BMP6: variants seen among roughly 807,000 people sequenced by gnomAD.
BMP6 encodes the protein VG-1-R.
Under a neutral mutation model 54.1 loss-of-function variants are expected in BMP6, and 17 were observed. The observed-to-expected ratio is 0.31, with a 90% CI of 0.22 to 0.47. The LOEUF (loss-of-function observed/expected upper bound fraction) is 0.47, where lower values mean the gene tolerates loss of function less well. Among genes scored for constraint, BMP6 ranks in the 20% least tolerant of loss-of-function variants. BMP6 has a pLI of 1.00. For synonymous variants in BMP6, 328 were observed against 291.2 expected (o/e 1.13, Z -1.28); for missense variants, 720 against 690.4 (o/e 1.04, Z -0.48).
At chr6:7,817,882 A>C (rs1304690116) in intron 1 of BMP6, among the ~76,000 whole-genome samples, 1 of 152,206 alleles carries the variant, frequency 6.6e-6, no homozygotes, top group Non-Finnish European at 1.5e-5. Flanking sequence ...ATCTTGTACA[A>C]ATGCCTCACA....
intron 2 of BMP6, among the ~76,000 whole-genome samples, chr6:7,860,891 T>C (rs989155266): frequency 2.0e-5 from 3 of 152,200 alleles, no homozygotes; most frequent in African/African-American, 7.2e-5. Context: ...TAAATGCTCA[T>C]ATGGATCCTG....
intron 1 of BMP6, among the ~76,000 whole-genome samples, chr6:7,803,832 A>C (rs1370341236): frequency 6.6e-6 from 1 of 152,114 alleles, no homozygotes; most frequent in East Asian, 1.9e-4. Flanking sequence ...CTCTCTTAGC[A>C]GTTACATAAA....
intron 1 of BMP6, among the ~76,000 whole-genome samples, chr6:7,800,672 C>T (rs138106389): frequency 6.6e-6 from 1 of 152,274 alleles, no homozygotes; most frequent in African/African-American, 2.4e-5. Context: ...GATATATTTA[C>T]TTCTAGTTAT....
chr6:7,732,873 T>C (rs1400818430), intron 1 of BMP6, among the ~76,000 whole-genome samples: 1 of 150,724 alleles, frequency 6.6e-6, no homozygotes, highest in African/African-American at 2.4e-5. Context: ...CCATCTTATA[T>C]CAAAAATGAA....
chr6:7,749,589 A>G (rs1757392113), intron 1 of BMP6, among the ~76,000 whole-genome samples: 2 of 152,142 alleles, frequency 1.3e-5, no homozygotes. Flanking sequence ...ACCTATCTCT[A>G]TGGTCATGCC....
intron 1 of BMP6, among the ~76,000 whole-genome samples, chr6:7,763,800 A>C (rs1052137299): frequency 1.3e-4 from 20 of 152,328 alleles, no homozygotes; most frequent in African/African-American, 4.6e-4. Context: ...TAGAATGTGG[A>C]GCAAATAATA....
intron 1 of BMP6, among the ~76,000 whole-genome samples, chr6:7,822,637 A>G (rs950969954): frequency 6.6e-6 from 1 of 152,022 alleles, no homozygotes; most frequent in Admixed American, 6.5e-5. Context: ...TCCTCTTCTT[A>G]TGGTGCTATC....
chr6:7,819,112 C>T (rs1046917688), intron 1 of BMP6, among the ~76,000 whole-genome samples: 2 of 152,102 alleles, frequency 1.3e-5, no homozygotes, highest in Non-Finnish European at 2.9e-5. Flanking sequence ...CGTGTGGTGT[C>T]TTTGTGTGTG....
chr6:7,799,020 T>G (rs554548199), intron 1 of BMP6, among the ~76,000 whole-genome samples: 1 of 152,284 alleles, frequency 6.6e-6, no homozygotes, highest in African/African-American at 2.4e-5. Flanking sequence ...TCTCACCACA[T>G]CATGTACTGG....
In BMP6 at chr6:7,815,482, C is replaced by G. The variant is rs143095786; in HGVS notation, c.665-29658C>G. ...TGTTTATAAAAAGCTTATCACTGTG[C>G]TTGGCACATAATAAATGTTTAATAA... is the stretch of plus-strand genomic sequence containing the variant. On this transcript the variant is annotated intron_variant, in intron 1 of 6. Coordinates refer to ENST00000283147, the MANE Select transcript of BMP6 (RefSeq NM_001718.6). Among the ~76,000 whole-genome samples, 1,458 of 152,302 alleles carry G rather than the reference C, an allele frequency of 9.6e-3. 13 individuals are homozygous for G. Among genetic ancestry groups the G allele is most frequent in the Middle Eastern group, 0.017 (5 of 294 alleles).
intron 1 of BMP6, among the ~76,000 whole-genome samples, chr6:7,747,959 C>G (rs1425589510): frequency 1.3e-5 from 2 of 152,176 alleles, no homozygotes; most frequent in Non-Finnish European, 2.9e-5. Flanking sequence ...GACTTCTAAC[C>G]TGCAGGCCTG....
chr6:7,873,694 G>C (rs79561562), intron 4 of BMP6, among the ~76,000 whole-genome samples: 1 of 151,990 alleles, frequency 6.6e-6, no homozygotes, highest in Admixed American at 6.6e-5. Context: ...GGGGTTCACC[G>C]TGTACAATCT....
chr6:7,796,122 T>C (rs1467471867), intron 1 of BMP6, among the ~76,000 whole-genome samples: 1 of 152,128 alleles, frequency 6.6e-6, no homozygotes. Context: ...AATGAAATAG[T>C]TCTTGAGATA....
At chr6:7,771,600 C>T (rs1023392169) in intron 1 of BMP6, among the ~76,000 whole-genome samples, 24 of 152,082 alleles carry the variant, frequency 1.6e-4, no homozygotes, top group Non-Finnish European at 3.2e-4. Flanking sequence ...GCATATTGAC[C>T]CCACAGCCTG....
chr6:7,856,994 G>A (rs556059344), intron 2 of BMP6, among the ~76,000 whole-genome samples: 1 of 152,330 alleles, frequency 6.6e-6, no homozygotes, highest in South Asian at 2.1e-4. Context: ...TCAGGAAAGG[G>A]TCGAAGCCTG....
intron 1 of BMP6, among the ~76,000 whole-genome samples, chr6:7,735,857 G>A (rs938444529): frequency 1.3e-5 from 2 of 152,180 alleles, no homozygotes; most frequent in Non-Finnish European, 2.9e-5. Context: ...GTATCATGCC[G>A]AGGAGTTGTG....
intron 1 of BMP6, among the ~76,000 whole-genome samples, chr6:7,748,952 T>G (rs978562067): frequency 6.6e-6 from 1 of 152,214 alleles, no homozygotes; most frequent in Non-Finnish European, 1.5e-5. Context: ...AGAAATCCTG[T>G]ATTATTTAGC....
chr6:7,863,537 G>T (rs1759369676), intron 4 of BMP6, among the ~76,000 whole-genome samples: 1 of 152,150 alleles, frequency 6.6e-6, no homozygotes, highest in Non-Finnish European at 1.5e-5. Context: ...GCTTGGCTGG[G>T]GTTGCGTCCT....
Position 7,782,449 on chromosome 6 carries a change from G to A in BMP6, c.664+54830G>A, listed in dbSNP as rs534220973. On this transcript the variant is annotated intron_variant, in intron 1 of 6. Coordinates refer to ENST00000283147, the MANE Select transcript of BMP6 (RefSeq NM_001718.6). ...AAGCAGCCCAGGCACGGTGGCACAT[G>A]CCTGTAATCCCAGCACTTTGGAAGG... is the stretch of plus-strand genomic sequence containing the variant. Among the ~76,000 whole-genome samples, 4 of 152,308 alleles carry A rather than the reference G, an allele frequency of 2.6e-5. No homozygotes were observed. In the South Asian group the frequency reaches 8.3e-4, roughly 32 times the overall value.
Sources: allele counts gnomAD v4.1 joint callset (sites outside exome capture counted in the v4.1 genomes callset), GRCh38; gene constraint gnomAD v4.1.1; transcripts MANE v1.5; gene names NCBI Gene and HGNC (gene_info 2026-07-23, HGNC 2026-07-21).